Variants in DHCR24 observed in about 807,000 individuals in gnomAD.
DHCR24 encodes 24-dehydrocholesterol reductase.
In DHCR24, 28 loss-of-function variants were observed where a neutral mutation model predicts 61.2. The observed-to-expected ratio is 0.46, with a 90% confidence interval of 0.34 to 0.63. DHCR24 has a LOEUF of 0.63. DHCR24 is among the 20% of genes least tolerant of loss of function. The pLI, the probability that DHCR24 is intolerant of heterozygous loss-of-function variation, is 0.01. For synonymous variants in DHCR24, 261 were observed against 275.9 expected, an observed-to-expected ratio of 0.95 and a Z score of 0.54; for missense variants, 538 against 679.1, an observed-to-expected ratio of 0.79 and a Z score of 2.31.
At chr1:54,884,368 C>G (rs1416993988) in intron 1 of DHCR24, among the ~76,000 whole-genome samples, 1 of 152,196 alleles carries the variant, frequency 6.6e-6, no homozygotes, top group Admixed American at 6.5e-5. Flanking sequence ...TTATCACATG[C>G]CAAGGCCTGT....
rs752315865 is a variant in DHCR24, at chr1:54,853,402, A to G, written c.1397+32T>C. ...GAGCAGTACCCTGGGGCTGTCAGCTAGAGGCAACATACTATACTCTGGGCC... is the reference window on the plus strand; with the variant it reads ...GAGCAGTACCCTGGGGCTGTCAGCTGGAGGCAACATACTATACTCTGGGCC... On this transcript the variant is annotated intron_variant, in intron 8 of 8. Transcript: ENST00000371269. 12 of 1,613,690 alleles carry G rather than the reference A, an allele frequency of 7.4e-6. No individual in the cohort carries two copies. In the African/African-American group the frequency reaches 1.5e-4, roughly 20 times the overall value.
intron 4 of DHCR24, among the ~76,000 whole-genome samples, chr1:54,873,455 A>C (rs999556874): frequency 3.3e-5 from 5 of 152,224 alleles, no homozygotes; most frequent in Non-Finnish European, 5.9e-5. Context: ...CTTTCTGCTT[A>C]TTAAAAAAAA....
chr1:54,886,535 C>T lies in DHCR24; in HGVS notation c.231+354G>A. On this transcript the variant is annotated intron_variant, in intron 1 of 8. Transcript: ENST00000371269. ...CCCACACACCTTCCCCCAATCATTT[C>T]CCATACTTCCCAATCTCTAGACCCA... The T allele has an allele frequency of 2.5e-6, 3 of 1,210,012 alleles. No individual in the cohort carries two copies. In the South Asian group the frequency reaches 3.8e-5, roughly 15 times the overall value. The allele number at this position is 1,210,012 out of a possible 1,614,324, so 75.0% of individuals were successfully genotyped here.
intron 4 of DHCR24, among the ~76,000 whole-genome samples, chr1:54,873,356 C>T (rs768261956): frequency 7.2e-5 from 11 of 152,310 alleles, no homozygotes; most frequent in Admixed American, 1.3e-4. Context: ...ATTATGTACA[C>T]TACATAATAC....
intron 2 of DHCR24, among the ~76,000 whole-genome samples, chr1:54,881,693 A>G (rs1392772221): frequency 1.3e-5 from 2 of 152,242 alleles, no homozygotes; most frequent in African/African-American, 2.4e-5. Flanking sequence ...ATGCATGTGT[A>G]TGTTTACTGC....
intron 1 of DHCR24, 93 bp downstream of exon 1, chr1:54,886,796 C>T: frequency 1.9e-6 from 3 of 1,547,688 alleles, no homozygotes; most frequent in Non-Finnish European, 2.6e-6. Context: ...CTGGCCGCCC[C>T]CGCACCGCAG....
intron 6 of DHCR24, among the ~76,000 whole-genome samples, chr1:54,856,516 C>A (rs546140297): frequency 6.6e-6 from 1 of 151,984 alleles, no homozygotes; most frequent in African/African-American, 2.4e-5. Flanking sequence ...CAAGGAGAAT[C>A]GTTTGAAGCG....
At chr1:54,863,742 G>C (rs1360287646) in intron 6 of DHCR24, among the ~76,000 whole-genome samples, 1 of 152,102 alleles carries the variant, frequency 6.6e-6, no homozygotes, top group Non-Finnish European at 1.5e-5. Flanking sequence ...ATCAAAGGAC[G>C]TTACCAAGAC....
At position 54,879,352 on chromosome 1, in the gene DHCR24, A is replaced by AAAAAAAAAAAAAAAAAAAAAG. The variant is rs573285056; in HGVS notation, c.388-3306_388-3305insCTTTTTTTTTTTTTTTTTTTT. On this transcript the variant is annotated intron_variant, in intron 2 of 8. Transcript: ENST00000371269. ...AAAAAAAAAAAAAAAAAAAAAAAAA[A>AAAAAAAAAAAAAAAAAAAAAG]TCCAAATCAAACTTCTGGAAATGAA... Among the ~76,000 whole-genome samples the AAAAAAAAAAAAAAAAAAAAAG allele has an allele frequency of 1.2e-4, 16 of 128,158 alleles. 2 individuals are homozygous for AAAAAAAAAAAAAAAAAAAAAG. Among genetic ancestry groups the AAAAAAAAAAAAAAAAAAAAAG allele is most frequent in the African/African-American group, 3.1e-4 (10 of 32,204 alleles). The allele number at this position is 128,158 out of a possible 152,430, so 84.1% of individuals were successfully genotyped here.
intron 5 of DHCR24, among the ~76,000 whole-genome samples, chr1:54,870,513 G>C (rs1263648866): frequency 2.6e-5 from 4 of 152,172 alleles, no homozygotes; most frequent in Non-Finnish European, 5.9e-5. Flanking sequence ...TTTAGTATTT[G>C]CATATAACCC....
chr1:54,856,666 T>C (rs1208920390), intron 6 of DHCR24, among the ~76,000 whole-genome samples: 1 of 152,238 alleles, frequency 6.6e-6, no homozygotes, highest in African/African-American at 2.4e-5. Context: ...ATTTATTTAA[T>C]CACTTCTATA....
rs1008227864 is a variant in DHCR24, at chr1:54,883,344, T to G, written c.387+274A>C. Among the ~76,000 whole-genome samples, 1 of 152,204 alleles carries G rather than the reference T, an allele frequency of 6.6e-6. No homozygotes were observed. Among genetic ancestry groups the G allele is most frequent in the Admixed American group, 6.5e-5 (1 of 15,278 alleles). ...CACTTCCTTATCAGGAAGGGGTAAGTAGATTCCTTTTTGCCTCTCATTTTT... is the reference window on the plus strand; with the variant it reads ...CACTTCCTTATCAGGAAGGGGTAAGGAGATTCCTTTTTGCCTCTCATTTTT... On this transcript the variant is annotated intron_variant, in intron 2 of 8. Coordinates refer to ENST00000371269, the MANE Select transcript of DHCR24 (RefSeq NM_014762.4). The surrounding 1 kb of genome is among the most constrained non-coding windows in gnomAD (Gnocchi z 4.3).
intron 8 of DHCR24, among the ~76,000 whole-genome samples, chr1:54,853,186 G>A (rs1426541816): frequency 6.6e-6 from 1 of 151,940 alleles, no homozygotes; most frequent in Non-Finnish European, 1.5e-5. Flanking sequence ...GGGCTGCTGG[G>A]GGGGTGTGAC....
At position 54,853,966 on chromosome 1, in the gene DHCR24, G is replaced by A. The variant is rs1482810419; in HGVS notation, c.1218+71C>T. On this transcript the variant is annotated intron_variant, in intron 7 of 8. Coordinates refer to ENST00000371269, the MANE Select transcript of DHCR24 (RefSeq NM_014762.4). Reference sequence around the variant, plus strand: ...GCAGTGTGCCCAAGGTCGGTCACACGGTTCAGGGGAGGAGACCATGGATTC... The same window carrying A: ...GCAGTGTGCCCAAGGTCGGTCACACAGTTCAGGGGAGGAGACCATGGATTC... 29 of 1,471,530 alleles carry A rather than the reference G, an allele frequency of 2.0e-5. No homozygotes were observed. The East Asian group carries it at 2.2e-4, about 11-fold the overall frequency. 91.2% of individuals were successfully genotyped at this position (1,471,530 alleles called of 1,614,324 possible). A position where few individuals can be genotyped will look rare whatever the true frequency, so the allele number is the denominator to read the frequency against.
intron 6 of DHCR24, among the ~76,000 whole-genome samples, chr1:54,858,336 C>G (rs1459793402): frequency 6.6e-6 from 1 of 152,234 alleles, no homozygotes; most frequent in East Asian, 1.9e-4. Context: ...GGAGGGCCAT[C>G]TTACCCCAGG....
chr1:54,862,304 C>T (rs79988903), intron 6 of DHCR24, among the ~76,000 whole-genome samples: 2,560 of 152,292 alleles, frequency 0.017, 29 homozygotes, highest in Non-Finnish European at 0.026. Flanking sequence ...CTGTGTCCAC[C>T]GCCTTGTCTC....
rs554783709 is a variant in DHCR24, at chr1:54,868,534, G to C, written c.876+2816C>G. On this transcript the variant is annotated intron_variant, in intron 5 of 8. Transcript: ENST00000371269. ...GATGTTCATTGCTCCATTAATTAAA[G>C]TAATAAAAAAATTGGAAGCAACTTA... 2.4e-4 allele frequency among the ~76,000 whole-genome samples: 36 copies of C among 152,170 alleles called. 1 individual carries two copies. The highest frequency in any genetic ancestry group is 8.4e-4 in the African/African-American group (35 of 41,504).
At chr1:54,875,909 G>A in intron 3 of DHCR24, 33 bp downstream of exon 3, 1 of 1,576,996 alleles carries the variant, frequency 6.3e-7, no homozygotes, top group Non-Finnish European at 8.7e-7. Flanking sequence ...AGGACCGTGT[G>A]TCTCTTCTTG....
rs140236763 is a variant in DHCR24, at chr1:54,874,507, G to A, written c.612+586C>T. Among the ~76,000 whole-genome samples the A allele has an allele frequency of 2.1e-3, 320 of 152,296 alleles. 1 individual carries two copies. The highest frequency in any genetic ancestry group is 7.1e-3 in the African/African-American group (296 of 41,556). On this transcript the variant is annotated intron_variant, in intron 4 of 8. Transcript: ENST00000371269. Reference sequence around the variant, plus strand: ...GTAGTAGGCTATCCAAATAGCCTACGTGTGAAGTAGGCTATCTCATCTAGG... The same window carrying A: ...GTAGTAGGCTATCCAAATAGCCTACATGTGAAGTAGGCTATCTCATCTAGG...
Sources: gnomAD v4.1 joint callset for allele counts (sites outside exome capture counted in the v4.1 genomes callset) on GRCh38, gnomAD v4.1.1 for gene constraint, Gnocchi (gnomAD v3.1) non-coding constraint, MANE v1.5 for transcripts, NCBI Gene and HGNC (gene_info 2026-07-23, HGNC 2026-07-21) for gene names.